The following SNX29 variants were observed in gnomAD, a reference collection of about 807,000 sequenced individuals.
The protein encoded by SNX29 is sorting nexin-29.
Under a neutral mutation model 102.1 loss-of-function variants are expected in SNX29, and 78 were observed. The ratio of observed to expected loss-of-function variants is 0.76; its 90% CI spans 0.64 to 0.92. SNX29 has a LOEUF of 0.92. Ranked by LOEUF, SNX29 falls within the 40% of genes least tolerant of loss-of-function variation. The pLI is 0.00. For missense variants in SNX29, 1,280 were observed against 1,061.7 expected (o/e 1.21, Z -2.86); for synonymous variants, 580 against 414.5 (o/e 1.40, Z -4.85).
chr16:12,516,078 A>G (rs1253560389), intron 19 of SNX29, among the ~76,000 whole-genome samples: 1 of 152,128 alleles, frequency 6.6e-6, no homozygotes, highest in Non-Finnish European at 1.5e-5. Context: ...ACCTTACATT[A>G]ACCATAAGTC....
Position 12,380,680 on chromosome 16 carries a change from T to C in SNX29, c.1900-17766T>C, listed in dbSNP as rs534053160. Among the ~76,000 whole-genome samples, 22 of 29,888 alleles carry C rather than the reference T, an allele frequency of 7.4e-4. No homozygotes were observed. The South Asian group carries it at 8.9e-3, about 12-fold the overall frequency. 19.6% of individuals were successfully genotyped at this position (29,888 alleles called of 152,430 possible). A position where few individuals can be genotyped will look rare whatever the true frequency, so the allele number is the denominator to read the frequency against. ...CATCCACCCACCCACCATCCATCCA[T>C]CCACCATCCACCCATCCACCCACCA... is the stretch of plus-strand genomic sequence containing the variant. On this transcript the variant is annotated intron_variant, in intron 16 of 20. Coordinates refer to ENST00000566228, the MANE Select transcript of SNX29 (RefSeq NM_032167.5).
Position 12,399,434 on chromosome 16 carries a change from C to T in SNX29, c.1955+933C>T, listed in dbSNP as rs893581936. On this transcript the variant is annotated intron_variant, in intron 17 of 20. Coordinates refer to ENST00000566228, the MANE Select transcript of SNX29 (RefSeq NM_032167.5). ...GAAATGGATAAGTTGTCTCCTCTCT[C>T]ATTCATCTCTGGCGAGTTTAAGGTT... is the stretch of plus-strand genomic sequence containing the variant. Among the ~76,000 whole-genome samples, 11 of 152,220 alleles carry T rather than the reference C, an allele frequency of 7.2e-5. No homozygotes were observed. In the South Asian group the frequency reaches 2.3e-3, roughly 31 times the overall value.
intron 14 of SNX29, among the ~76,000 whole-genome samples, chr16:12,237,144 C>T (rs1211349762): frequency 6.6e-6 from 1 of 152,182 alleles, no homozygotes; most frequent in Non-Finnish European, 1.5e-5. Flanking sequence ...CCCCAGTCTC[C>T]AGAGTAGGCA....
At position 12,413,077 on chromosome 16, in the gene SNX29, T is replaced by C. The variant is rs374299105; in HGVS notation, c.2037+9548T>C. ...TGCTCATCATGGAGATTGGCAGCTT[T>C]TGTTTTGTTTTGTTTCTGTTCTGTG... On this transcript the variant is annotated intron_variant, in intron 18 of 20. Coordinates refer to ENST00000566228, the MANE Select transcript of SNX29 (RefSeq NM_032167.5). Among the ~76,000 whole-genome samples the C allele has an allele frequency of 2.6e-5, 4 of 152,218 alleles. No individual in the cohort carries two copies. In the South Asian group the frequency reaches 6.2e-4, roughly 24 times the overall value.
intron 13 of SNX29, among the ~76,000 whole-genome samples, chr16:12,163,170 C>G (rs2055863226): frequency 6.6e-6 from 1 of 152,248 alleles, no homozygotes; most frequent in Admixed American, 6.5e-5. Context: ...GCGTGAGCCA[C>G]TGCGTCTGGC....
intron 13 of SNX29, among the ~76,000 whole-genome samples, chr16:12,153,658 A>G (rs1165311129): frequency 7.3e-6 from 1 of 137,120 alleles, no homozygotes; most frequent in Admixed American, 7.3e-5. Context: ...TTTTTTTTTT[A>G]GTAGAGATGG....
intron 20 of SNX29, among the ~76,000 whole-genome samples, chr16:12,565,086 G>C (rs1407225401): frequency 6.6e-6 from 1 of 152,042 alleles, no homozygotes; most frequent in African/African-American, 2.4e-5. Context: ...GGACACATGG[G>C]GTCGTCTTCT....
At chr16:11,992,399 A>G (rs1357975195) in intron 1 of SNX29, among the ~76,000 whole-genome samples, 1 of 119,026 alleles carries the variant, frequency 8.4e-6, no homozygotes, top group Non-Finnish European at 2.1e-5. Flanking sequence ...TTGTTGAGCA[A>G]TCAGCCCTCT....
At chr16:12,357,517 A>C (rs551215608) in intron 16 of SNX29, among the ~76,000 whole-genome samples, 1 of 152,300 alleles carries the variant, frequency 6.6e-6, no homozygotes, top group African/African-American at 2.4e-5. Flanking sequence ...TTTTCCTTTA[A>C]ATTTTAAAAA....
At chr16:12,377,227 G>T (rs571945799) in intron 16 of SNX29, among the ~76,000 whole-genome samples, 1 of 152,296 alleles carries the variant, frequency 6.6e-6, no homozygotes, top group African/African-American at 2.4e-5. Flanking sequence ...AGTCAACGTA[G>T]GTTCAGTTGC....
rs375518023 is a variant in SNX29, at chr16:12,151,531, T to A, written c.1595+21773T>A. On this transcript the variant is annotated intron_variant, in intron 13 of 20. Transcript: ENST00000566228. ...TGTTCTGCGTGATCTGACCGGGGCC[T>A]GCCTGCTTCCTGTTAAGCATCTTCA... Among the ~76,000 whole-genome samples, 7 of 152,346 alleles carry A rather than the reference T, an allele frequency of 4.6e-5. No individual in the cohort carries two copies. In the East Asian group the frequency reaches 1.3e-3, roughly 29 times the overall value.
At position 12,107,308 on chromosome 16, in the gene SNX29, G is replaced by A. The variant is rs529060366; in HGVS notation, c.1403-19325G>A. ...ATCTGCTCCAGGTGGAAGACAGCAC[G>A]GGCCAATCTGACTGACCACAGCACT... On this transcript the variant is annotated intron_variant, in intron 11 of 20. Coordinates refer to ENST00000566228, the MANE Select transcript of SNX29 (RefSeq NM_032167.5). 2.6e-4 allele frequency among the ~76,000 whole-genome samples: 39 copies of A among 152,006 alleles called. 1 individual carries two copies. In the East Asian group the frequency reaches 4.1e-3, roughly 16 times the overall value.
chr16:12,318,694 A>C (rs1002778800), intron 15 of SNX29, among the ~76,000 whole-genome samples: 8 of 150,592 alleles, frequency 5.3e-5, no homozygotes, highest in African/African-American at 1.9e-4. Context: ...TGAACTGGGA[A>C]GAGAAGAATT....
intron 11 of SNX29, among the ~76,000 whole-genome samples, chr16:12,105,219 CCCTCCCTCCCTTCCTT>C (rs1161906334): frequency 2.1e-5 from 3 of 141,766 alleles, no homozygotes. Flanking sequence ...CTCCCTCCCT[CCCTCCCTCCCTTCCTT>C]CCTTCCTTCC....
At chr16:12,252,441 C>G (rs770476461) in intron 14 of SNX29, among the ~76,000 whole-genome samples, 2 of 152,190 alleles carry the variant, frequency 1.3e-5, no homozygotes, top group African/African-American at 2.4e-5. Context: ...ATTCAGTTTT[C>G]CTGTCTCTAA....
In SNX29 at chr16:12,417,487, C is replaced by G. The variant is rs371729043; in HGVS notation, c.2037+13958C>G. On this transcript the variant is annotated intron_variant, in intron 18 of 20. Coordinates refer to ENST00000566228, the MANE Select transcript of SNX29 (RefSeq NM_032167.5). Reference sequence around the variant, plus strand: ...GGGTCAGAGGGGGTGGGTGGTTCTCCTTTCCTTCCTTCTCTTTGCTCCCCG... The same window carrying G: ...GGGTCAGAGGGGGTGGGTGGTTCTCGTTTCCTTCCTTCTCTTTGCTCCCCG... Among the ~76,000 whole-genome samples, 19 of 152,160 alleles carry G rather than the reference C, an allele frequency of 1.2e-4. No homozygotes were observed. The East Asian group carries it at 2.3e-3, about 19-fold the overall frequency.
At chr16:12,006,933 A>C (rs910811814) in intron 3 of SNX29, among the ~76,000 whole-genome samples, 4 of 152,036 alleles carry the variant, frequency 2.6e-5, no homozygotes, top group African/African-American at 9.7e-5. Context: ...TCCCTTTTTT[A>C]CTGATGAGAA....
chr16:12,124,156 G>A (rs2054103713), intron 11 of SNX29, among the ~76,000 whole-genome samples: 1 of 152,166 alleles, frequency 6.6e-6, no homozygotes, highest in South Asian at 2.1e-4. Context: ...AGGAGTTCAA[G>A]ACCAACCTGG....
At chr16:12,535,654 A>G (rs537653430) in intron 20 of SNX29, among the ~76,000 whole-genome samples, 2 of 152,296 alleles carry the variant, frequency 1.3e-5, no homozygotes, top group African/African-American at 4.8e-5. Context: ...GCAGTCTTGA[A>G]TATCTTCAGG....
Sources: allele counts gnomAD v4.1 joint callset (sites outside exome capture counted in the v4.1 genomes callset), GRCh38; gene constraint gnomAD v4.1.1; transcripts MANE v1.5; gene names NCBI Gene and HGNC (gene_info 2026-07-23, HGNC 2026-07-21).